Variants in PPP4R4 observed in about 807,000 individuals in gnomAD.
The protein encoded by PPP4R4 is protein phosphatase 4 regulatory subunit 4.
Under a neutral mutation model 121.8 loss-of-function variants are expected in PPP4R4, and 70 were observed. That is an observed-to-expected ratio of 0.57 (90% CI 0.47 to 0.70). PPP4R4 has a LOEUF of 0.70. PPP4R4 is among the 30% of genes least tolerant of loss of function. The pLI is 0.00. For synonymous variants in PPP4R4, 348 were observed against 355.7 expected, an observed-to-expected ratio of 0.98 and a Z score of 0.24; for missense variants, 875 against 1,033.6, an observed-to-expected ratio of 0.85 and a Z score of 2.10.
chr14:94,227,002 C>T (rs1053903068), intron 3 of PPP4R4, among the ~76,000 whole-genome samples: 1 of 152,166 alleles, frequency 6.6e-6, no homozygotes, highest in Admixed American at 6.5e-5. Context: ...CTATTTCCCT[C>T]TCTGCAAGGA....
intron 6 of PPP4R4, 58 bp downstream of exon 6, chr14:94,233,817 T>C: frequency 1.9e-6 from 2 of 1,080,768 alleles, no homozygotes; most frequent in Admixed American, 2.0e-5. Context: ...AAATGTATAA[T>C]GACTGTGTAA....
chr14:94,225,503 C>T (rs1474235176), intron 3 of PPP4R4, among the ~76,000 whole-genome samples: 1 of 152,140 alleles, frequency 6.6e-6, no homozygotes, highest in African/African-American at 2.4e-5. Context: ...GAGGACAGCC[C>T]AGCTTCAAAT....
intron 2 of PPP4R4, among the ~76,000 whole-genome samples, chr14:94,193,468 G>C (rs1255673281): frequency 6.6e-6 from 1 of 152,106 alleles, no homozygotes; most frequent in Admixed American, 6.6e-5. Flanking sequence ...AATTAAATAA[G>C]ATGAGTGCAA....
intron 2 of PPP4R4, among the ~76,000 whole-genome samples, chr14:94,200,277 A>G (rs1890103514): frequency 6.6e-6 from 1 of 152,072 alleles, no homozygotes; most frequent in Non-Finnish European, 1.5e-5. Flanking sequence ...ATAGACAACT[A>G]TGTTGTTTGT....
At position 94,247,317 on chromosome 14, in the gene PPP4R4, C is replaced by T. The variant is rs555891376; in HGVS notation, c.1611+778C>T. Among the ~76,000 whole-genome samples, 3 of 152,362 alleles carry T rather than the reference C, an allele frequency of 2.0e-5. No homozygotes were observed. In the South Asian group the frequency reaches 6.2e-4, roughly 32 times the overall value. ...GTCAGGCCTGCCTCTGGGGCAGATG[C>T]TGAGTTGGGGTAGTGCAAGCTGGGT... On this transcript the variant is annotated intron_variant, in intron 14 of 24. Transcript: ENST00000304338.
rs188722568 is a variant in PPP4R4, at chr14:94,250,351, T to C, written c.1717+74T>C. ...GTTGGCTTTAGTTATGTCTAACTTA[T>C]GTATCATTTTGCTGTGAATAATTAG... On this transcript the variant is annotated intron_variant, in intron 15 of 24. Coordinates refer to ENST00000304338, the MANE Select transcript of PPP4R4 (RefSeq NM_058237.2). 1,055 of 948,546 alleles carry C rather than the reference T, an allele frequency of 1.1e-3. 3 individuals carry two copies. Among genetic ancestry groups the C allele is most frequent in the Middle Eastern group, 1.8e-3 (6 of 3,386 alleles). The allele number at this position is 948,546 out of a possible 1,614,324, so 58.8% of individuals were successfully genotyped here. A position where few individuals can be genotyped will look rare whatever the true frequency, so the allele number is the denominator to read the frequency against.
At chr14:94,276,103 A>G (rs995973459) in intron 24 of PPP4R4, among the ~76,000 whole-genome samples, 2 of 152,188 alleles carry the variant, frequency 1.3e-5, no homozygotes, top group African/African-American at 4.8e-5. Flanking sequence ...AGAGAGGGGT[A>G]CCATAAAAAT....
In PPP4R4 at chr14:94,230,630, C is replaced by T. The variant is rs770402107; in HGVS notation, c.338C>T (p.Ala113Val). The change falls in exon 4 of 25, where the codon GCG (alanine) becomes GTG (valine). Residue 113 changes from alanine to valine, a missense_variant. By Grantham distance (64) the Ala-to-Val change is moderately conservative. Transcript: ENST00000304338. ...VAGVEMQLTAAMSFLTILQDE... is the reference protein window; with the variant it reads ...VAGVEMQLTAVMSFLTILQDE... ...GGAGTGGAAATGCAGTTAACGGCTG[C>T]GATGTCATTTCTGACCATTCTGCAG... is the stretch of plus-strand genomic sequence containing the variant. 6.2e-6 allele frequency: 10 copies of T among 1,612,210 alleles called. No homozygotes were observed. The highest frequency in any genetic ancestry group is 1.7e-5 in the Admixed American group (1 of 59,986).
At chr14:94,183,392 T>C (rs1889095008) in intron 2 of PPP4R4, among the ~76,000 whole-genome samples, 1 of 152,216 alleles carries the variant, frequency 6.6e-6, no homozygotes, top group South Asian at 2.1e-4. Flanking sequence ...TTAAGAGCAG[T>C]ATATAATGGA....
At chr14:94,265,937 A>T (rs750262155) in intron 22 of PPP4R4, 50 bp downstream of exon 22, 5 of 1,200,446 alleles carry the variant, frequency 4.2e-6, no homozygotes, top group Non-Finnish European at 5.9e-6. Flanking sequence ...ATCTTTATTC[A>T]CATCTTCATA....
At chr14:94,174,690 C>T (rs1595437242) in intron 1 of PPP4R4, 108 bp downstream of exon 1, 1 of 1,475,252 alleles carries the variant, frequency 6.8e-7, no homozygotes, top group Non-Finnish European at 9.0e-7. Context: ...TCCGGGCCGC[C>T]GGGACCCTCT....
At chr14:94,276,557 G>A (rs187239475) in intron 24 of PPP4R4, among the ~76,000 whole-genome samples, 1 of 152,278 alleles carries the variant, frequency 6.6e-6, no homozygotes, top group Non-Finnish European at 1.5e-5. Flanking sequence ...GAGAGAGAAA[G>A]TGGGGTTGGG....
intron 3 of PPP4R4, among the ~76,000 whole-genome samples, chr14:94,224,425 T>C (rs1266303637): frequency 6.6e-6 from 1 of 152,146 alleles, no homozygotes; most frequent in East Asian, 1.9e-4. Flanking sequence ...CAAAGTAGCT[T>C]GGACTATGGT....
At chr14:94,228,425 AT>A (rs1311695527) in intron 3 of PPP4R4, among the ~76,000 whole-genome samples, 1 of 152,158 alleles carries the variant, frequency 6.6e-6, no homozygotes, top group Non-Finnish European at 1.5e-5. Context: ...TCCCTGTGTT[AT>A]CCCCTATTGT....
chr14:94,276,986 C>T (rs916304048), intron 24 of PPP4R4, among the ~76,000 whole-genome samples: 6 of 152,108 alleles, frequency 3.9e-5, no homozygotes, highest in Admixed American at 3.9e-4. Context: ...CATGATTATA[C>T]GATGGAAGTT....
intron 23 of PPP4R4, among the ~76,000 whole-genome samples, chr14:94,273,446 C>T (rs895613116): frequency 2.0e-5 from 3 of 152,106 alleles, no homozygotes; most frequent in Non-Finnish European, 4.4e-5. Flanking sequence ...AAGTAGTTGT[C>T]AGGGGTTCGG....
intron 7 of PPP4R4, among the ~76,000 whole-genome samples, chr14:94,237,283 T>C (rs1465969281): frequency 6.6e-6 from 1 of 152,122 alleles, no homozygotes; most frequent in African/African-American, 2.4e-5. Flanking sequence ...ATATTATAAT[T>C]TATAAAGTTT....
intron 2 of PPP4R4, among the ~76,000 whole-genome samples, chr14:94,185,276 C>T (rs1455510721): frequency 1.3e-5 from 2 of 152,132 alleles, no homozygotes; most frequent in African/African-American, 2.4e-5. Context: ...GAGGTCAAGG[C>T]AGGAAGATCA....
Position 94,237,635 on chromosome 14 carries a change from C to T in PPP4R4, c.802C>T (p.Arg268Ter), listed in dbSNP as rs1566680153. ...TTCTAGGGATGAAGGCAGCAGTGTA[C>T]GACTTGCAGCTTTTGAAACTTTGGT... is the stretch of plus-strand genomic sequence containing the variant. ...ELSRDEGSSVRLAAFETLVNL... is the reference protein window; with the variant it reads ...ELSRDEGSSV Residue 268 changes from arginine (R) to a stop codon, truncating the protein, a stop_gained, in exon 8 of 25, where the codon CGA becomes TGA. Coordinates refer to ENST00000304338, the MANE Select transcript of PPP4R4 (RefSeq NM_058237.2). LOFTEE classifies it high-confidence loss of function. The T allele has an allele frequency of 8.1e-6, 13 of 1,611,502 alleles. No homozygotes were observed. Among genetic ancestry groups the T allele is most frequent in the East Asian group, 2.2e-5 (1 of 44,844 alleles).
Sources: gnomAD v4.1 joint callset for allele counts (sites outside exome capture counted in the v4.1 genomes callset) on GRCh38, gnomAD v4.1.1 for gene constraint, MANE v1.5 for transcripts, NCBI Gene and HGNC (gene_info 2026-07-23, HGNC 2026-07-21) for gene names.